Variants in GLDC observed in about 807,000 individuals in gnomAD.
The protein encoded by GLDC is glycine dehydrogenase (decarboxylating), mitochondrial.
A neutral mutation model predicts 121.3 loss-of-function variants in GLDC; 104 were observed. The observed-to-expected ratio is 0.86, with a 90% CI of 0.73 to 1.01. GLDC has a LOEUF of 1.01. Ranked by LOEUF, GLDC falls within the 50% of genes least tolerant of loss-of-function variation. GLDC has a pLI of 0.00. For synonymous variants in GLDC, 546 were observed against 480.6 expected (o/e 1.14, Z -1.78); for missense variants, 1,429 against 1,306.6 (o/e 1.09, Z -1.44).
intron 2 of GLDC, among the ~76,000 whole-genome samples, chr9:6,629,958 T>TACATATATATATATATA: frequency 6.4e-5 from 5 of 78,680 alleles, no homozygotes; most frequent in Non-Finnish European, 1.2e-4. Flanking sequence ...TATATATATA[T>TACATATATATATATATA]TTTTTTTTTT....
At chr9:6,565,285 A>T in intron 16 of GLDC, 69 bp downstream of exon 16, 1 of 1,089,236 alleles carries the variant, frequency 9.2e-7, no homozygotes, top group Non-Finnish European at 1.4e-6. Context: ...AGTGTCCCAC[A>T]GAAGGGACCC....
At chr9:6,622,146 CCACACACACACAGACACACACACACACA>C (rs981787137) in intron 2 of GLDC, among the ~76,000 whole-genome samples, 1 of 117,576 alleles carries the variant, frequency 8.5e-6, no homozygotes, top group Non-Finnish European at 1.7e-5. Context: ...TCACCCTCCA[CCACACACACACAGACACACACACACACA>C]CACACACACA....
At chr9:6,603,018 C>T (rs1219690993) in intron 7 of GLDC, among the ~76,000 whole-genome samples, 15 of 151,824 alleles carry the variant, frequency 9.9e-5, no homozygotes, top group Admixed American at 9.8e-4. Context: ...ACCTGAGGTC[C>T]AGAGTTTGAG....
intron 16 of GLDC, among the ~76,000 whole-genome samples, chr9:6,560,932 G>A (rs897426635): frequency 1.3e-5 from 2 of 152,238 alleles, no homozygotes; most frequent in African/African-American, 4.8e-5. Flanking sequence ...GAAGCAGAGG[G>A]AGATGGGACC....
At chr9:6,536,043 A>C (rs771664814) in intron 23 of GLDC, 21 bp downstream of exon 23, 2 of 1,603,860 alleles carry the variant, frequency 1.2e-6, no homozygotes, top group Middle Eastern at 2.0e-4. Flanking sequence ...CATTTCAAGC[A>C]ATGTTCCAGG....
chr9:6,578,812 C>T (rs1190031606), intron 15 of GLDC, among the ~76,000 whole-genome samples: 1 of 152,222 alleles, frequency 6.6e-6, no homozygotes, highest in Non-Finnish European at 1.5e-5. Context: ...CAATTACAAG[C>T]ATGAGCTACT....
rs771749364 is a variant in GLDC at position 6,606,589 on chromosome 9, T to C, written c.713+3A>G. The C allele has an allele frequency of 6.5e-7, 1 of 1,545,292 alleles. No individual in the cohort carries two copies. The highest frequency in any genetic ancestry group is 1.1e-5 in the South Asian group (1 of 89,656). ...AGTTTAAAACACGAATCAAATTAAT[T>C]ACTTGGCTCGAGTCTGGACAACAGC... On this transcript the variant is annotated splice_donor_region_variant and intron_variant, in intron 5 of 24. Coordinates refer to ENST00000321612, the MANE Select transcript of GLDC (RefSeq NM_000170.3).
chr9:6,538,708 T>C (rs1043932743), intron 22 of GLDC, among the ~76,000 whole-genome samples: 2 of 152,206 alleles, frequency 1.3e-5, no homozygotes, highest in African/African-American at 4.8e-5. Flanking sequence ...ACCACCTCCC[T>C]GTGAGCCCCT....
chr9:6,615,392 A>T lies in GLDC; in HGVS notation c.470+4792T>A, dbSNP rs114351004. Among the ~76,000 whole-genome samples, 915 of 151,718 alleles carry T rather than the reference A, an allele frequency of 6.0e-3. 14 individuals are homozygous for T. Among genetic ancestry groups the T allele is most frequent in the African/African-American group, 0.021 (875 of 41,326 alleles). ...AAGTAGTTCAAGATCAGCCTGGGCAACACAGAGAAACCTTGTCTCTACTAA... is the reference window on the plus strand; with the variant it reads ...AAGTAGTTCAAGATCAGCCTGGGCATCACAGAGAAACCTTGTCTCTACTAA... On this transcript the variant is annotated intron_variant, in intron 3 of 24. Transcript: ENST00000321612.
At chr9:6,642,917 T>A (rs1050009917) in intron 2 of GLDC, among the ~76,000 whole-genome samples, 1 of 151,848 alleles carries the variant, frequency 6.6e-6, no homozygotes, top group Non-Finnish European at 1.5e-5. Context: ...CTTTTTTTTT[T>A]AGACAGGGTC....
intron 17 of GLDC, 111 bp downstream of exon 17, chr9:6,558,448 G>C: frequency 1.6e-6 from 2 of 1,277,236 alleles, no homozygotes; most frequent in South Asian, 1.2e-5. Flanking sequence ...AAGAACTGCA[G>C]ACTTTTCATT....
chr9:6,605,316 G>T (rs1368560126), intron 5 of GLDC, 38 bp from the exon 6 acceptor site: 1 of 1,603,952 alleles, frequency 6.2e-7, no homozygotes, highest in East Asian at 2.2e-5. Flanking sequence ...CGTGCTTTCG[G>T]TTTATAAGGG....
chr9:6,627,625 A>G (rs1819272773), intron 2 of GLDC, among the ~76,000 whole-genome samples: 1 of 152,198 alleles, frequency 6.6e-6, no homozygotes, highest in Non-Finnish European at 1.5e-5. Context: ...TCGAGCCATT[A>G]AGAGTAGGTC....
chr9:6,571,630 G>A (rs966942494), intron 15 of GLDC, among the ~76,000 whole-genome samples: 1 of 152,176 alleles, frequency 6.6e-6, no homozygotes, highest in Non-Finnish European at 1.5e-5. Flanking sequence ...GGATATGCTG[G>A]ACAAAGGGCT....
intron 2 of GLDC, chr9:6,639,245 C>CAA: frequency 8.0e-6 from 7 of 877,168 alleles, no homozygotes; most frequent in South Asian, 2.7e-5. Flanking sequence ...TCCACAGCCA[C>CAA]AAAAAAAAAG....
At chr9:6,565,549 A>G (rs546044162) in intron 15 of GLDC, 120 bp from the exon 16 acceptor site, 2 of 784,964 alleles carry the variant, frequency 2.5e-6, no homozygotes, top group East Asian at 5.1e-5. Context: ...CACTGTCCAG[A>G]CGCTGAGAGA....
chr9:6,594,724 C>G (rs78389227), intron 9 of GLDC, among the ~76,000 whole-genome samples: 1 of 145,846 alleles, frequency 6.9e-6, no homozygotes, highest in Non-Finnish European at 1.5e-5. Context: ...AGCAAGCAAG[C>G]AAACAAGAAA....
At chr9:6,563,510 A>C (rs950000746) in intron 16 of GLDC, among the ~76,000 whole-genome samples, 1 of 152,080 alleles carries the variant, frequency 6.6e-6, no homozygotes, top group Non-Finnish European at 1.5e-5. Flanking sequence ...TCCAGAGACG[A>C]CCTCAGAACA....
intron 4 of GLDC, 123 bp from the exon 5 acceptor site, chr9:6,606,792 G>C (rs548003966): frequency 2.7e-6 from 2 of 739,506 alleles, no homozygotes; most frequent in South Asian, 2.8e-5. Flanking sequence ...TACTGAGTAG[G>C]CCGGGTGCGG....
Sources: gnomAD v4.1 joint callset for allele counts (sites outside exome capture counted in the v4.1 genomes callset) on GRCh38, gnomAD v4.1.1 for gene constraint, MANE v1.5 for transcripts, NCBI Gene and HGNC (gene_info 2026-07-23, HGNC 2026-07-21) for gene names.